The following RPSA2 variants were observed in gnomAD, a reference collection of about 807,000 sequenced individuals.
RPSA2 encodes ribosomal protein SA 2, also known as small ribosomal subunit protein uS2B.
the RPSA2 span, among the ~76,000 whole-genome samples, chr19:23,855,016 C>T: frequency 6.6e-6 from 1 of 151,958 alleles, no homozygotes. Flanking sequence ...GTAATTTAAC[C>T]AAAAAATCAG....
the RPSA2 span, among the ~76,000 whole-genome samples, chr19:23,780,073 C>T: frequency 3.3e-5 from 5 of 152,022 alleles, no homozygotes; most frequent in South Asian, 2.1e-4. Context: ...TACCTCTTAC[C>T]GGTCAATAGA....
chr19:23,858,296 G>C, the RPSA2 span, among the ~76,000 whole-genome samples: 2 of 151,478 alleles, frequency 1.3e-5, no homozygotes, highest in Non-Finnish European at 2.9e-5. Flanking sequence ...TTACTTAATA[G>C]TTTTAATGTA....
chr19:23,823,847 G>A, the RPSA2 span: 2 of 152,350 alleles, frequency 1.3e-5, no homozygotes, highest in African/African-American at 2.4e-5. Flanking sequence ...CCTTCTTCAG[G>A]TTTAAGTTCT....
At chr19:23,758,699 G>C in the RPSA2 span, 3,711 of 1,614,064 alleles carry the variant, frequency 2.3e-3, 81 homozygotes, top group African/African-American at 0.041. Flanking sequence ...TCTGAGTCCC[G>C]CCACAGCCCC....
the RPSA2 span, among the ~76,000 whole-genome samples, chr19:23,761,900 A>T: frequency 1.4e-4 from 1 of 6,902 alleles, no homozygotes; most frequent in African/African-American, 2.8e-4. Context: ...TGGGTAACGT[A>T]ATTCTTTCTT....
the RPSA2 span, among the ~76,000 whole-genome samples, chr19:23,861,454 C>G: frequency 6.6e-6 from 1 of 152,158 alleles, no homozygotes; most frequent in African/African-American, 2.4e-5. Context: ...TCACTTCTAG[C>G]ATATCTCCCC....
chr19:23,850,619 C>T, the RPSA2 span, among the ~76,000 whole-genome samples: 2 of 151,524 alleles, frequency 1.3e-5, no homozygotes, highest in African/African-American at 4.8e-5. Flanking sequence ...GGCACCCAGA[C>T]AGGGGATTGA....
the RPSA2 span, among the ~76,000 whole-genome samples, chr19:23,759,522 G>GTTTTTTTTTTTTTTTT: frequency 1.1e-4 from 10 of 89,042 alleles, no homozygotes; most frequent in Non-Finnish European, 2.0e-4. Flanking sequence ...TATATATCAG[G>GTTTTTTTTTTTTTTTT]TTTTTTTTTT....
the RPSA2 span, among the ~76,000 whole-genome samples, chr19:23,837,544 C>T: frequency 6.6e-6 from 1 of 152,030 alleles, no homozygotes; most frequent in Non-Finnish European, 1.5e-5. Context: ...TTATTGATTG[C>T]TTTTGGCAGT....
the RPSA2 span, among the ~76,000 whole-genome samples, chr19:23,806,427 T>C: frequency 2.0e-5 from 3 of 152,132 alleles, no homozygotes; most frequent in Non-Finnish European, 4.4e-5. Context: ...TTCTGTGTTC[T>C]TAATGGCATT....
chr19:23,841,048 A>G, the RPSA2 span, among the ~76,000 whole-genome samples: 7 of 150,080 alleles, frequency 4.7e-5, no homozygotes, highest in African/African-American at 1.7e-4. Flanking sequence ...TTATGATTAG[A>G]TTCAGATTAT....
At chr19:23,797,988 T>C in the RPSA2 span, among the ~76,000 whole-genome samples, 2 of 152,212 alleles carry the variant, frequency 1.3e-5, no homozygotes, top group Non-Finnish European at 2.9e-5. Context: ...TTAGATTATG[T>C]GTAGATTTTT....
chr19:23,853,477 C>A, the RPSA2 span, among the ~76,000 whole-genome samples: 12 of 152,312 alleles, frequency 7.9e-5, no homozygotes, highest in East Asian at 1.7e-3. Flanking sequence ...TAGAGAGCAG[C>A]CACTGATCAA....
chr19:23,842,532 GTT>G, the RPSA2 span: 84,620 of 130,210 alleles, frequency 0.65, 24,068 homozygotes, highest in Middle Eastern at 0.76. Context: ...AAATATGTGT[GTT>G]TTTTTTTTTT....
At chr19:23,838,047 T>C in the RPSA2 span, among the ~76,000 whole-genome samples, 1 of 152,196 alleles carries the variant, frequency 6.6e-6, no homozygotes. Context: ...GCTTTTAACT[T>C]TTCCCCATTC....
At chr19:23,771,936 G>C in the RPSA2 span, among the ~76,000 whole-genome samples, 1 of 152,074 alleles carries the variant, frequency 6.6e-6, no homozygotes, top group Non-Finnish European at 1.5e-5. Context: ...TTTCTGCCTG[G>C]GCCCTGCCGG....
the RPSA2 span, chr19:23,832,949 T>C: frequency 6.7e-7 from 1 of 1,496,918 alleles, no homozygotes; most frequent in African/African-American, 1.4e-5. Context: ...CATAAGGTAA[T>C]TCACAGTGGA....
At chr19:23,844,842 G>A in the RPSA2 span, among the ~76,000 whole-genome samples, 4 of 151,454 alleles carry the variant, frequency 2.6e-5, no homozygotes, top group East Asian at 2.0e-4. Context: ...GGAGGATTTG[G>A]TAGAATTTTT....
At chr19:23,858,291 T>A in the RPSA2 span, among the ~76,000 whole-genome samples, 4 of 148,966 alleles carry the variant, frequency 2.7e-5, no homozygotes, top group Non-Finnish European at 6.0e-5. Context: ...AGAAATTACT[T>A]AATAGTTTTA....
Sources: gnomAD v4.1 joint callset for allele counts (sites outside exome capture counted in the v4.1 genomes callset) on GRCh38, gnomAD v4.1.1 for gene constraint, MANE v1.5 for transcripts, NCBI Gene and HGNC (gene_info 2026-07-23, HGNC 2026-07-21) for gene names.